The following ANO2 variants were observed in gnomAD, a reference collection of about 807,000 sequenced individuals.
The protein encoded by ANO2 is anoctamin-2.
ANO2 carries 101 observed loss-of-function variants against 124.2 expected under a neutral mutation model. The observed-to-expected ratio is 0.81, with a 90% CI of 0.69 to 0.96. The LOEUF (loss-of-function observed/expected upper bound fraction) is 0.96, where lower values mean the gene tolerates loss of function less well. Among genes scored for constraint, ANO2 ranks in the 40% least tolerant of loss-of-function variants. The pLI, the probability that ANO2 is intolerant of heterozygous loss-of-function variation, is 0.00. For synonymous variants in ANO2, 486 were observed against 482.5 expected, an observed-to-expected ratio of 1.01 and a Z score of -0.09; for missense variants, 1,293 against 1,274.5, an observed-to-expected ratio of 1.01 and a Z score of -0.22.
intron 3 of ANO2, among the ~76,000 whole-genome samples, chr12:5,912,657 C>T (rs955555467): frequency 6.6e-6 from 1 of 152,154 alleles, no homozygotes; most frequent in East Asian, 1.9e-4. Context: ...CCTGTCTCAG[C>T]TGTGCGGTCC....
At chr12:5,738,245 T>C (rs1198411149) in intron 13 of ANO2, among the ~76,000 whole-genome samples, 1 of 152,218 alleles carries the variant, frequency 6.6e-6, no homozygotes, top group Non-Finnish European at 1.5e-5. Flanking sequence ...TGTGGGGACA[T>C]ACAGGCTTAG....
intron 14 of ANO2, among the ~76,000 whole-genome samples, chr12:5,697,837 C>T (rs527291653): frequency 1.3e-5 from 2 of 152,346 alleles, no homozygotes; most frequent in East Asian, 3.9e-4. Flanking sequence ...GGGTCCCACG[C>T]CCATGGAGCC....
At chr12:5,664,600 A>C (rs1947609963) in intron 14 of ANO2, among the ~76,000 whole-genome samples, 1 of 152,244 alleles carries the variant, frequency 6.6e-6, no homozygotes, top group South Asian at 2.1e-4. Context: ...GTACACTAGT[A>C]AACAGCTGAC....
rs1425147182 is a variant in ANO2 at position 5,562,702 on chromosome 12, T to G, written c.*597A>C. 6.6e-6 allele frequency: 1 copy of G among 152,454 alleles called. No homozygotes were observed. The highest frequency in any genetic ancestry group is 1.5e-5 in the Non-Finnish European group (1 of 68,252). 9.4% of individuals were successfully genotyped at this position (152,454 alleles called of 1,614,324 possible). On this transcript the variant is annotated 3_prime_UTR_variant, in exon 25 of 25. Coordinates refer to ENST00000682330, the MANE Select transcript of ANO2 (RefSeq NM_001364791.2). ...ATTTTATTATTTTAAATCTGAACTTTCATAAAATGATGGTTATCTGCATTT... is the reference window on the plus strand; with the variant it reads ...ATTTTATTATTTTAAATCTGAACTTGCATAAAATGATGGTTATCTGCATTT...
chr12:5,678,756 T>C (rs911698556), intron 14 of ANO2, among the ~76,000 whole-genome samples: 7 of 152,228 alleles, frequency 4.6e-5, no homozygotes, highest in African/African-American at 7.2e-5. Flanking sequence ...CAACATTTTT[T>C]ATCAGTGATT....
At chr12:5,713,738 A>G (rs1477223162) in intron 14 of ANO2, among the ~76,000 whole-genome samples, 2 of 152,212 alleles carry the variant, frequency 1.3e-5, no homozygotes, top group African/African-American at 4.8e-5. Flanking sequence ...CACCTTCCAG[A>G]TTTCAAGTTG....
At chr12:5,576,373 T>C (rs761701809) in intron 22 of ANO2, among the ~76,000 whole-genome samples, 3 of 152,124 alleles carry the variant, frequency 2.0e-5, no homozygotes, top group Non-Finnish European at 4.4e-5. Context: ...AAATTACCTA[T>C]AGTGATGAGG....
intron 13 of ANO2, among the ~76,000 whole-genome samples, chr12:5,738,136 G>A (rs1322296276): frequency 6.6e-6 from 1 of 152,208 alleles, no homozygotes; most frequent in Non-Finnish European, 1.5e-5. Context: ...TCCATTCCAA[G>A]CTGCTGCCCT....
intron 17 of ANO2, 53 bp from the exon 18 acceptor site, chr12:5,613,011 G>A (rs1432519271): frequency 6.3e-7 from 1 of 1,578,850 alleles, no homozygotes; most frequent in Non-Finnish European, 8.7e-7. Context: ...ATGCAGGGTG[G>A]CTCAAGGACA....
intron 4 of ANO2, among the ~76,000 whole-genome samples, chr12:5,839,182 G>A (rs1455846186): frequency 6.6e-6 from 1 of 152,188 alleles, no homozygotes; most frequent in Non-Finnish European, 1.5e-5. Flanking sequence ...TGGAGCCCAA[G>A]AAACTCCCTG....
chr12:5,601,640 C>T (rs915205867), intron 19 of ANO2, among the ~76,000 whole-genome samples: 6 of 152,062 alleles, frequency 3.9e-5, no homozygotes, highest in Admixed American at 6.6e-5. Flanking sequence ...AGTAATCAGA[C>T]GACGTGTTCA....
intron 10 of ANO2, among the ~76,000 whole-genome samples, chr12:5,796,423 C>T (rs1003412610): frequency 6.6e-6 from 1 of 151,366 alleles, no homozygotes. Flanking sequence ...CTCTCATACT[C>T]TTACACTCAC....
At chr12:5,702,289 C>T (rs1440862469) in intron 14 of ANO2, among the ~76,000 whole-genome samples, 1 of 152,074 alleles carries the variant, frequency 6.6e-6, no homozygotes, top group Admixed American at 6.5e-5. Context: ...CTGCAGAATG[C>T]ATATCAAGCC....
In ANO2 at chr12:5,678,631, G is replaced by A. The variant is rs561199466; in HGVS notation, c.1546-30830C>T. On this transcript the variant is annotated intron_variant, in intron 14 of 24. Coordinates refer to ENST00000682330, the MANE Select transcript of ANO2 (RefSeq NM_001364791.2). ...CTTCTGTGCTACGTGGAATTAGAAG[G>A]GCTTGCAATTGGTGAAGTAAACATA... 7.9e-5 allele frequency among the ~76,000 whole-genome samples: 12 copies of A among 152,262 alleles called. No homozygotes were observed. The South Asian group carries it at 1.7e-3, about 21-fold the overall frequency.
intron 14 of ANO2, among the ~76,000 whole-genome samples, chr12:5,667,467 T>C (rs942325723): frequency 1.3e-5 from 2 of 151,634 alleles, no homozygotes; most frequent in Non-Finnish European, 2.9e-5. Context: ...GCTTCTAGGA[T>C]TGTATAAGTG....
At chr12:5,696,724 T>C (rs1375372973) in intron 14 of ANO2, among the ~76,000 whole-genome samples, 1 of 152,110 alleles carries the variant, frequency 6.6e-6, no homozygotes, top group Non-Finnish European at 1.5e-5. Flanking sequence ...AAATCCTAAA[T>C]GAAATATAAG....
At chr12:5,577,842 G>T in intron 22 of ANO2, 113 bp downstream of exon 22, 1 of 1,074,516 alleles carries the variant, frequency 9.3e-7, no homozygotes, top group Non-Finnish European at 1.4e-6. Flanking sequence ...CACCAATAAA[G>T]CTACAAATGG....
At chr12:5,791,772 G>A (rs1952704789) in intron 10 of ANO2, among the ~76,000 whole-genome samples, 2 of 152,184 alleles carry the variant, frequency 1.3e-5, no homozygotes, top group Admixed American at 1.3e-4. Flanking sequence ...GTCACAGACA[G>A]AAAATGCATA....
intron 14 of ANO2, among the ~76,000 whole-genome samples, chr12:5,676,163 C>T (rs922608825): frequency 6.6e-6 from 1 of 152,198 alleles, no homozygotes; most frequent in African/African-American, 2.4e-5. Context: ...GATGGCCTCT[C>T]CTGGAGGGGA....
Sources: allele counts gnomAD v4.1 joint callset (sites outside exome capture counted in the v4.1 genomes callset), GRCh38; gene constraint gnomAD v4.1.1; transcripts MANE v1.5; gene names NCBI Gene and HGNC (gene_info 2026-07-23, HGNC 2026-07-21).